TNRC6A: variants seen among roughly 807,000 people sequenced by gnomAD.
TNRC6A encodes the protein trinucleotide repeat-containing gene 6A protein.
TNRC6A carries 44 observed loss-of-function variants against 221.2 expected under a neutral mutation model. That is an observed-to-expected ratio of 0.20 (90% CI 0.16 to 0.26). The LOEUF (loss-of-function observed/expected upper bound fraction) is 0.26, where lower values mean the gene tolerates loss of function less well. Ranked by LOEUF, TNRC6A falls within the 10% of genes least tolerant of loss-of-function variation. The pLI, the probability that TNRC6A is intolerant of heterozygous loss-of-function variation, is 1.00. For synonymous variants in TNRC6A, 847 were observed against 838.5 expected, an observed-to-expected ratio of 1.01 and a Z score of -0.18; for missense variants, 2,199 against 2,404.4, an observed-to-expected ratio of 0.91 and a Z score of 1.79.
rs1047462363 is a variant in TNRC6A, at chr16:24,809,368, A to T, written c.4559A>T (p.Asn1520Ile). 1 of 1,537,370 alleles carries T rather than the reference A, an allele frequency of 6.5e-7. No homozygotes were observed. Among genetic ancestry groups the T allele is most frequent in the Admixed American group, 1.8e-5 (1 of 54,130 alleles). Reference protein sequence around the residue: ...NFPIGLNSNLNVNMDMNSIKE... With the variant: ...NFPIGLNSNLIVNMDMNSIKE... Reference sequence around the variant, plus strand: ...TTTTCAGGCTTGAACTCAAACTTGAATGTAAATATGGATATGAACAGTATT... The same window carrying T: ...TTTTCAGGCTTGAACTCAAACTTGATTGTAAATATGGATATGAACAGTATT... Residue 1520 changes from asparagine (N) to isoleucine (I), a missense_variant, in exon 18 of 25, where the codon AAT becomes ATT. Transcript: ENST00000395799.
rs79433565 is a variant in TNRC6A at position 24,813,424 on chromosome 16, A to T, written c.4673-1723A>T. On this transcript the variant is annotated intron_variant, in intron 18 of 24. Coordinates refer to ENST00000395799, the MANE Select transcript of TNRC6A (RefSeq NM_014494.4). ...GGTTAGCTCCTACTTAAAAGTGAGA[A>T]CATACAATATTTGATTTTCTCTTTA... Among the ~76,000 whole-genome samples the T allele has an allele frequency of 4.4e-3, 663 of 152,332 alleles. 8 individuals are homozygous for T. The highest frequency in any genetic ancestry group is 0.015 in the African/African-American group (644 of 41,568).
intron 5 of TNRC6A, among the ~76,000 whole-genome samples, chr16:24,785,020 T>C (rs2057935502): frequency 6.6e-6 from 1 of 152,266 alleles, no homozygotes; most frequent in Non-Finnish European, 1.5e-5. Context: ...TTTTTATTTA[T>C]TATCTCATTT....
intron 19 of TNRC6A, 189 bp from the exon 20 acceptor site, chr16:24,816,627 C>G (rs2058664510): frequency 3.0e-6 from 2 of 662,164 alleles, no homozygotes; most frequent in East Asian, 3.0e-5. Context: ...TAAAAACTTG[C>G]AAGTAATTTA....
At chr16:24,820,040 T>C in intron 21 of TNRC6A, 99 bp from the exon 22 acceptor site, 1 of 1,140,816 alleles carries the variant, frequency 8.8e-7, no homozygotes, top group Admixed American at 2.4e-5. Context: ...CTTTTGTTTG[T>C]TAGATTTGCT....
At chr16:24,698,577 C>T (rs1179916058) in intron 2 of TNRC6A, among the ~76,000 whole-genome samples, 1 of 152,184 alleles carries the variant, frequency 6.6e-6, no homozygotes, top group East Asian at 1.9e-4. Context: ...AATCATTTCA[C>T]AAGTGCATAA....
Position 24,823,686 on chromosome 16 carries a change from A to G in TNRC6A, c.5768A>G (p.His1923Arg), listed in dbSNP as rs760728177. Residue 1923 changes from histidine (H) to arginine (R), a missense_variant, in exon 25 of 25, where the codon CAT becomes CGT. By Grantham distance (29) the His-to-Arg change is conservative. Coordinates refer to ENST00000395799, the MANE Select transcript of TNRC6A (RefSeq NM_014494.4). This position sits in a 1 kb window ranked among gnomAD's most constrained non-coding sequence, Gnocchi z 4.3. ...LHGTSLWGTP[H>R]YSTSLWGPPS... ...GGCACTTCACTCTGGGGGACCCCGC[A>G]TTATTCCACAAGCCTGTGGGGTCCC... The G allele has an allele frequency of 7.5e-6, 12 of 1,608,302 alleles. No individual in the cohort carries two copies. The African/African-American group carries it at 8.0e-5, about 11-fold the overall frequency.
chr16:24,723,805 TTTGTTCAGAACTTGACTGAGAG>T (rs1465620545), intron 2 of TNRC6A, among the ~76,000 whole-genome samples: 1 of 152,208 alleles, frequency 6.6e-6, no homozygotes, highest in Non-Finnish European at 1.5e-5. Flanking sequence ...ACTGTTTCTA[TTTGTTCAGAACTTGACTGAGAG>T]TTGTTCTCCA....
At chr16:24,699,714 G>C (rs752040759) in intron 2 of TNRC6A, among the ~76,000 whole-genome samples, 4 of 136,406 alleles carry the variant, frequency 2.9e-5, no homozygotes, top group Non-Finnish European at 6.2e-5. Context: ...ATGGAACCCT[G>C]TCTCTACCAA....
At chr16:24,709,119 T>G (rs2056155362) in intron 2 of TNRC6A, among the ~76,000 whole-genome samples, 1 of 151,938 alleles carries the variant, frequency 6.6e-6, no homozygotes, top group Non-Finnish European at 1.5e-5. Context: ...TAGCCGGGCG[T>G]GGTGGTGCAT....
chr16:24,800,018 G>GTTTC (rs1319304813), intron 11 of TNRC6A, among the ~76,000 whole-genome samples: 3 of 152,136 alleles, frequency 2.0e-5, no homozygotes, highest in Non-Finnish European at 4.4e-5. Context: ...TTGTTTGTTT[G>GTTTC]TTTGTTTGTT....
At chr16:24,721,681 C>A (rs932869310) in intron 2 of TNRC6A, among the ~76,000 whole-genome samples, 2 of 152,136 alleles carry the variant, frequency 1.3e-5, no homozygotes, top group East Asian at 3.9e-4. Context: ...GTGGTGCATG[C>A]CTTTGGTCCC....
intron 2 of TNRC6A, among the ~76,000 whole-genome samples, chr16:24,685,659 A>G (rs1158869612): frequency 6.6e-6 from 1 of 152,212 alleles, no homozygotes; most frequent in Non-Finnish European, 1.5e-5. Context: ...ATTCAGCACA[A>G]TGATCTATTG....
intron 5 of TNRC6A, among the ~76,000 whole-genome samples, chr16:24,782,328 A>G (rs1278786725): frequency 6.6e-6 from 1 of 152,168 alleles, no homozygotes; most frequent in African/African-American, 2.4e-5. Flanking sequence ...TGGTTGTGAT[A>G]TTGCATTTGT....
intron 1 of TNRC6A, among the ~76,000 whole-genome samples, chr16:24,635,110 TA>T (rs1901562820): frequency 7.7e-6 from 1 of 130,244 alleles, no homozygotes; most frequent in Non-Finnish European, 1.6e-5. Context: ...TTTCTTTCTT[TA>T]TTTCTTTTCT....
intron 2 of TNRC6A, among the ~76,000 whole-genome samples, chr16:24,724,323 G>A (rs2056458706): frequency 1.3e-5 from 2 of 152,152 alleles, no homozygotes; most frequent in African/African-American, 2.4e-5. Context: ...TCTGCAAAGT[G>A]GGGATAATAT....
intron 1 of TNRC6A, among the ~76,000 whole-genome samples, chr16:24,623,771 C>T (rs1168860842): frequency 1.3e-5 from 2 of 151,150 alleles, no homozygotes; most frequent in South Asian, 2.1e-4. Flanking sequence ...AGCATGGTGG[C>T]GTGTACCTGT....
At chr16:24,726,783 G>A (rs985387862), upstream of TNRC6A, among the ~76,000 whole-genome samples, 5 of 152,140 alleles carry the variant, frequency 3.3e-5, no homozygotes, top group African/African-American at 1.2e-4. Context: ...ATATTCAGTA[G>A]AGAGAATGAT....
chr16:24,774,854 C>T (rs1041707012), intron 4 of TNRC6A, among the ~76,000 whole-genome samples: 6 of 152,142 alleles, frequency 3.9e-5, no homozygotes, highest in African/African-American at 1.2e-4. Context: ...TTGCATATAA[C>T]CTAGACACAT....
At position 24,791,375 on chromosome 16, in the gene TNRC6A, T is replaced by G; in HGVS notation, c.2733T>G (p.Asp911Glu). The change falls in exon 6 of 25, where the codon GAT (aspartate) becomes GAG (glutamate). Residue 911 changes from aspartate (D) to glutamate (E), a missense_variant. Transcript: ENST00000395799. ...ATCCAAATAATTCATCAGGATGGGA[T>G]GAATCTTCTAAACCTACTCCTTCCC... ...NINPNNSSGW[D>E]ESSKPTPSQG... is the part of the protein sequence containing the mutation. 6.3e-7 allele frequency: 1 copy of G among 1,588,580 alleles called. No homozygotes were observed. Among genetic ancestry groups the G allele is most frequent in the African/African-American group, 1.3e-5 (1 of 74,578 alleles).
Sources: gnomAD v4.1 joint callset for allele counts (sites outside exome capture counted in the v4.1 genomes callset) on GRCh38, gnomAD v4.1.1 for gene constraint, Gnocchi (gnomAD v3.1) non-coding constraint, MANE v1.5 for transcripts, NCBI Gene and HGNC (gene_info 2026-07-23, HGNC 2026-07-21) for gene names.